GTF3C3: variants seen among roughly 807,000 people sequenced by gnomAD.
The protein encoded by GTF3C3 is general transcription factor IIIC subunit 3.
In GTF3C3, 75 loss-of-function variants were observed where a neutral mutation model predicts 105.2. The ratio of observed to expected loss-of-function variants is 0.71; its 90% CI spans 0.59 to 0.86. The LOEUF (loss-of-function observed/expected upper bound fraction) is 0.86. GTF3C3 is among the 40% of genes least tolerant of loss of function. The pLI is 0.00. For synonymous variants in GTF3C3, 335 were observed against 370.4 expected (o/e 0.90, Z 1.10); for missense variants, 856 against 1,076.5 (o/e 0.80, Z 2.87).
chr2:196,766,781 G>A (rs1376286988), intron 16 of GTF3C3, 64 bp from the exon 17 acceptor site: 15 of 1,199,900 alleles, frequency 1.3e-5, no homozygotes, highest in Admixed American at 1.1e-4. Flanking sequence ...CTAGACCACT[G>A]TATTACCAGG....
Position 196,789,999 on chromosome 2 carries a change from A to T in GTF3C3, c.607T>A (p.Leu203Met). 1 of 1,613,720 alleles carries T rather than the reference A, an allele frequency of 6.2e-7. No individual in the cohort carries two copies. Among genetic ancestry groups the T allele is most frequent in the Non-Finnish European group, 8.5e-7 (1 of 1,179,746 alleles). ...TGCGCAGCAATCAACTCAAACTGCA[A>T]TGATTTTTCCATGTCACCTTGGTCC... ...YEDQGDMEKS[L>M]QFELIAAHLN... The change falls in exon 5 of 18, where the codon TTG (leucine) becomes ATG (methionine). Residue 203 changes from leucine to methionine, a missense_variant. Around this residue, in one of 3 missense-constraint regions of GTF3C3, gnomAD observed 605 missense variants for 833.6 expected, o/e 0.73. Coordinates refer to ENST00000263956, the MANE Select transcript of GTF3C3 (RefSeq NM_012086.5).
chr2:196,782,356 G>C (rs1373814965), intron 8 of GTF3C3, among the ~76,000 whole-genome samples: 1 of 152,070 alleles, frequency 6.6e-6, no homozygotes, highest in African/African-American at 2.4e-5. Flanking sequence ...TTTTGTTAGA[G>C]AGTCCAAACG....
chr2:196,764,288 A>C lies in GTF3C3; in HGVS notation c.*275T>G, dbSNP rs1186990450. 1 of 257,694 alleles carries C rather than the reference A, an allele frequency of 3.9e-6. No individual in the cohort carries two copies. Among genetic ancestry groups the C allele is most frequent in the Non-Finnish European group, 7.4e-6 (1 of 134,770 alleles). 16.0% of individuals were successfully genotyped at this position (257,694 alleles called of 1,614,324 possible). Reference sequence around the variant, plus strand: ...GTGAAAAATAGTGTATTCGACTCCAAGCTAGCTCAAAGGCTTACACGTCCA... The same window carrying C: ...GTGAAAAATAGTGTATTCGACTCCACGCTAGCTCAAAGGCTTACACGTCCA... On this transcript the variant is annotated 3_prime_UTR_variant, in exon 18 of 18. Transcript: ENST00000263956.
chr2:196,776,527 G>A lies in GTF3C3; in HGVS notation c.1493C>T (p.Thr498Ile). 6.2e-7 allele frequency: 1 copy of A among 1,614,124 alleles called. No homozygotes were observed. Residue 498 changes from threonine (T) to isoleucine (I), a missense_variant, in exon 11 of 18, where the codon ACC becomes ATC. Coordinates refer to ENST00000263956, the MANE Select transcript of GTF3C3 (RefSeq NM_012086.5). The surrounding 1 kb of genome is among the most constrained non-coding windows in gnomAD (Gnocchi z 4.5). ...AGGCTGGCCCAGCTGCTGCTGAAGGGTAGAAAGTGAAATCCTTGCATCCAA... is the reference window on the plus strand; with the variant it reads ...AGGCTGGCCCAGCTGCTGCTGAAGGATAGAAAGTGAAATCCTTGCATCCAA... ...LHLDARISLS[T>I]LQQQLGQPEK...
intron 15 of GTF3C3, 53 bp from the exon 16 acceptor site, chr2:196,770,092 T>C: frequency 7.0e-7 from 1 of 1,432,062 alleles, no homozygotes; most frequent in Non-Finnish European, 9.2e-7. Context: ...AGTTATTTAT[T>C]TCTTCAACAC....
At chr2:196,777,423 G>A (rs1029827404) in intron 10 of GTF3C3, among the ~76,000 whole-genome samples, 40 of 152,206 alleles carry the variant, frequency 2.6e-4, no homozygotes, top group African/African-American at 8.2e-4. Context: ...CACCCAATCA[G>A]TCAATCAATC....
chr2:196,797,896 T>C lies in GTF3C3; in HGVS notation c.115A>G (p.Lys39Glu). Residue 39 changes from lysine to glutamate, a missense_variant, in exon 2 of 18, where the codon AAA becomes GAA. By Grantham distance (56) the Lys-to-Glu change is moderately conservative. Transcript: ENST00000263956. ...KTREKKSLQE[K>E]GKLSAEENPD... ...TTTTCTTCAGCTGATAACTTGCCTT[T>C]TTCCTGAAGACTCTGTGATTGCAAA... 1 of 1,591,700 alleles carries C rather than the reference T, an allele frequency of 6.3e-7. No homozygotes were observed. The highest frequency in any genetic ancestry group is 8.6e-7 in the Non-Finnish European group (1 of 1,159,568).
At chr2:196,766,884 T>C (rs1352510959) in intron 16 of GTF3C3, 167 bp from the exon 17 acceptor site, 2 of 427,698 alleles carry the variant, frequency 4.7e-6, no homozygotes, top group South Asian at 1.0e-4. Flanking sequence ...GTCAACATTA[T>C]AGCTCTTCTG....
chr2:196,775,939 T>C (rs187319892), intron 12 of GTF3C3, 71 bp downstream of exon 12: 1 of 680,028 alleles, frequency 1.5e-6, no homozygotes, highest in East Asian at 2.8e-5. Context: ...AGTAGTATAA[T>C]CTATGTTTAA....
At chr2:196,765,334 A>T (rs1438875307) in intron 17 of GTF3C3, among the ~76,000 whole-genome samples, 1 of 152,164 alleles carries the variant, frequency 6.6e-6, no homozygotes, top group Admixed American at 6.5e-5. Context: ...AATCTGCAAC[A>T]ATTAAAAATG....
chr2:196,776,223 C>T lies in GTF3C3; in HGVS notation c.1594-112G>A. ...CAAACCATATTGCTTTATGGTCTTT[C>T]ACAATAATTAAGAGCCAATATTTTA... is the stretch of plus-strand genomic sequence containing the variant. On this transcript the variant is annotated intron_variant, in intron 11 of 17. Coordinates refer to ENST00000263956, the MANE Select transcript of GTF3C3 (RefSeq NM_012086.5). The surrounding 1 kb of genome is among the most constrained non-coding windows in gnomAD (Gnocchi z 4.5). 1.4e-6 allele frequency: 1 copy of T among 711,800 alleles called. No individual in the cohort carries two copies. 44.1% of individuals were successfully genotyped at this position (711,800 alleles called of 1,614,324 possible). A position where few individuals can be genotyped will look rare whatever the true frequency, so the allele number is the denominator to read the frequency against.
chr2:196,793,613 A>G (rs1267264512), intron 2 of GTF3C3, among the ~76,000 whole-genome samples: 3 of 152,190 alleles, frequency 2.0e-5, no homozygotes, highest in Non-Finnish European at 4.4e-5. Flanking sequence ...GCTGCTCTAT[A>G]CATCAGTTTC....
At chr2:196,796,719 C>A (rs1699652967) in intron 2 of GTF3C3, among the ~76,000 whole-genome samples, 1 of 152,158 alleles carries the variant, frequency 6.6e-6, no homozygotes, top group Non-Finnish European at 1.5e-5. Flanking sequence ...CCCCTTTTGT[C>A]CCTGTGTTCT....
chr2:196,789,230 A>G lies in GTF3C3; in HGVS notation c.867T>C (p.Phe289=). ...NLLSPSDGER[F]MQLARDMAKS... Reference sequence around the variant, plus strand: ...TTGCCATATCTCTAGCCAGCTGCATAAAACGTTCGCCATCAGATGGAGACA... The same window carrying G: ...TTGCCATATCTCTAGCCAGCTGCATGAAACGTTCGCCATCAGATGGAGACA... The change falls in exon 6 of 18, where the codon TTT becomes TTC. Residue 289 remains phenylalanine, a synonymous_variant. Transcript: ENST00000263956. 1 of 1,611,002 alleles carries G rather than the reference A, an allele frequency of 6.2e-7. No individual in the cohort carries two copies. The highest frequency in any genetic ancestry group is 8.5e-7 in the Non-Finnish European group (1 of 1,179,088).
chr2:196,780,580 G>C lies in GTF3C3; in HGVS notation c.1197C>G (p.Leu399=), dbSNP rs190526971. 11 of 1,613,426 alleles carry C rather than the reference G, an allele frequency of 6.8e-6. No individual in the cohort carries two copies. The highest frequency in any genetic ancestry group is 9.3e-6 in the Non-Finnish European group (11 of 1,179,572). Reference sequence around the variant, plus strand: ...ATACATTAAGTGGTTCAAGAATGTTGAGATGTACAAGGCAGACCATCAACT... The same window carrying C: ...ATACATTAAGTGGTTCAAGAATGTTCAGATGTACAAGGCAGACCATCAACT... The part of the protein sequence containing the change: ...TVKLMVCLVH[L]NILEPLNPLL... The change falls in exon 9 of 18, where the codon CTC becomes CTG. Residue 399 remains leucine (L), a synonymous_variant. Transcript: ENST00000263956.
At chr2:196,795,192 C>G (rs1196256518) in intron 2 of GTF3C3, among the ~76,000 whole-genome samples, 3 of 151,986 alleles carry the variant, frequency 2.0e-5, no homozygotes, top group Non-Finnish European at 4.4e-5. Context: ...CTTGTGCCAA[C>G]ACACCCAGCT....
At position 196,773,925 on chromosome 2, in the gene GTF3C3, G is replaced by A. The variant is rs187287922; in HGVS notation, c.1832-772C>T. Among the ~76,000 whole-genome samples the A allele has an allele frequency of 5.9e-4, 90 of 152,342 alleles. 1 individual carries two copies. Among genetic ancestry groups the A allele is most frequent in the Non-Finnish European group, 2.1e-4 (14 of 68,024 alleles). On this transcript the variant is annotated intron_variant, in intron 13 of 17. Coordinates refer to ENST00000263956, the MANE Select transcript of GTF3C3 (RefSeq NM_012086.5). ...ACCCACTGCTCACCTCCTGCTGTGC[G>A]GCCCAGTCCCTAGCAGGCCACGGGC... is the stretch of plus-strand genomic sequence containing the variant.
In GTF3C3 at chr2:196,775,885, T is replaced by C. The variant is rs1699251496; in HGVS notation, c.1695+125A>G. ...ACCTCTAGCTTTTTTGTTTTTATCT[T>C]TCATTTTTAAAAGTTTGAGTTTAAT... On this transcript the variant is annotated intron_variant, in intron 12 of 17. Transcript: ENST00000263956. The C allele has an allele frequency of 5.9e-6, 3 of 511,052 alleles. No individual in the cohort carries two copies. The South Asian group carries it at 1.2e-4, about 20-fold the overall frequency. 31.7% of individuals were successfully genotyped at this position (511,052 alleles called of 1,614,324 possible).
At chr2:196,785,683 T>C in intron 6 of GTF3C3, 95 bp from the exon 7 acceptor site, 1 of 713,790 alleles carries the variant, frequency 1.4e-6, no homozygotes, top group Non-Finnish European at 2.3e-6. Context: ...ACAGTGATTT[T>C]CATTTTCTTA....
Sources: gnomAD v4.1 joint callset for allele counts (sites outside exome capture counted in the v4.1 genomes callset) on GRCh38, gnomAD v4.1.1 for gene constraint, gnomAD v4.1.1 regional missense constraint, Gnocchi (gnomAD v3.1) non-coding constraint, MANE v1.5 for transcripts, NCBI Gene and HGNC (gene_info 2026-07-23, HGNC 2026-07-21) for gene names.